Variants in DOK6 observed in about 807,000 individuals in gnomAD.
The protein encoded by DOK6 is downstream of tyrosine kinase 6.
A neutral mutation model predicts 44.0 loss-of-function variants in DOK6; 22 were observed. The observed-to-expected ratio is 0.50, with a 90% confidence interval of 0.36 to 0.71. The LOEUF is 0.71. Among genes scored for constraint, DOK6 ranks in the 30% least tolerant of loss-of-function variants. DOK6 has a pLI of 0.00. For synonymous variants in DOK6, 166 were observed against 145.5 expected (o/e 1.14, Z -1.01); for missense variants, 340 against 416.4 (o/e 0.82, Z 1.60).
rs1047566812 is a variant in DOK6 at position 69,452,423 on chromosome 18, A to G, written c.66+51113A>G. On this transcript the variant is annotated intron_variant, in intron 1 of 7. Transcript: ENST00000382713. ...AGCTGAAATTGTGGCAATAATCAATAGTTTACCAACCAAAGAGTCCAGGAC... is the reference window on the plus strand; with the variant it reads ...AGCTGAAATTGTGGCAATAATCAATGGTTTACCAACCAAAGAGTCCAGGAC... Among the ~76,000 whole-genome samples the G allele has an allele frequency of 4.9e-4, 55 of 111,854 alleles. 1 individual carries two copies. The highest frequency in any genetic ancestry group is 2.9e-4 in the Admixed American group (3 of 10,208). The allele number at this position is 111,854 out of a possible 152,430, so 73.4% of individuals were successfully genotyped here.
chr18:69,662,596 A>G (rs1985558161), intron 3 of DOK6: 1 of 152,224 alleles, frequency 6.6e-6, no homozygotes, highest in African/African-American at 2.4e-5. Context: ...TTGAACAAAT[A>G]AAAATATTTG....
chr18:69,533,942 A>AAAAAG (rs1982051403), intron 1 of DOK6, among the ~76,000 whole-genome samples: 4 of 152,168 alleles, frequency 2.6e-5, no homozygotes, highest in Admixed American at 2.6e-4. Context: ...TCAATAAATA[A>AAAAAG]AGACAGATAA....
chr18:69,591,859 T>G (rs138492909), intron 2 of DOK6, among the ~76,000 whole-genome samples: 1 of 152,062 alleles, frequency 6.6e-6, no homozygotes, highest in African/African-American at 2.4e-5. Context: ...GAGACTAATA[T>G]AGGTTAGTTG....
chr18:69,801,181 C>G (rs1291661564), intron 7 of DOK6, among the ~76,000 whole-genome samples: 1 of 151,906 alleles, frequency 6.6e-6, no homozygotes, highest in African/African-American at 2.4e-5. Flanking sequence ...CAGCCTTTTC[C>G]TCAGCAACAT....
chr18:69,690,821 C>G (rs946682916), intron 4 of DOK6, among the ~76,000 whole-genome samples: 2 of 152,164 alleles, frequency 1.3e-5, no homozygotes, highest in African/African-American at 4.8e-5. Flanking sequence ...TGCCTAAATA[C>G]CATTTAGTAG....
chr18:69,716,692 C>CAAAAAA (rs11351701), intron 5 of DOK6, among the ~76,000 whole-genome samples: 10 of 104,772 alleles, frequency 9.5e-5, no homozygotes, highest in South Asian at 3.3e-4. Context: ...GCAGAATTGA[C>CAAAAAA]AAAAAAAAAA....
chr18:69,561,129 G>T (rs1406181207), intron 1 of DOK6, among the ~76,000 whole-genome samples: 36 of 152,108 alleles, frequency 2.4e-4, no homozygotes, highest in Admixed American at 2.4e-3. Context: ...TGGAGAGTAT[G>T]CTGTGTACTA....
chr18:69,778,842 C>T (rs946823806), intron 7 of DOK6, among the ~76,000 whole-genome samples: 13 of 152,086 alleles, frequency 8.5e-5, no homozygotes, highest in African/African-American at 2.2e-4. Context: ...GAAAATATAG[C>T]ATAGTACTGC....
intron 5 of DOK6, among the ~76,000 whole-genome samples, chr18:69,709,612 TATC>T (rs1293970167): frequency 6.6e-6 from 1 of 152,174 alleles, no homozygotes; most frequent in Non-Finnish European, 1.5e-5. Context: ...TACATACACA[TATC>T]ATATTATATG....
intron 4 of DOK6, among the ~76,000 whole-genome samples, chr18:69,684,570 G>T (rs1324189446): frequency 6.6e-6 from 1 of 152,022 alleles, no homozygotes; most frequent in Non-Finnish European, 1.5e-5. Context: ...TGTGCAACAA[G>T]ATGAAAAGAG....
At chr18:69,583,441 A>G (rs74453612) in intron 2 of DOK6, among the ~76,000 whole-genome samples, 3,988 of 152,312 alleles carry the variant, frequency 0.026, 59 homozygotes, top group South Asian at 0.06. Context: ...TGTTTTAAGC[A>G]CTAGACTCAC....
intron 7 of DOK6, among the ~76,000 whole-genome samples, chr18:69,811,866 C>A (rs936529551): frequency 5.3e-5 from 8 of 151,926 alleles, no homozygotes; most frequent in African/African-American, 1.9e-4. Flanking sequence ...ATCCCACTGC[C>A]ATTTAAGTTA....
At chr18:69,421,976 TTTCCC>T (rs2122408706) in intron 1 of DOK6, among the ~76,000 whole-genome samples, 1 of 152,224 alleles carries the variant, frequency 6.6e-6, no homozygotes, top group Admixed American at 6.5e-5. Context: ...CAACTTCCAG[TTTCCC>T]TTAAGTTTTT....
intron 2 of DOK6, among the ~76,000 whole-genome samples, chr18:69,591,653 G>T (rs550551814): frequency 2.6e-5 from 4 of 152,112 alleles, no homozygotes; most frequent in Admixed American, 6.5e-5. Flanking sequence ...GGGAAGGTTT[G>T]CATAACTGAG....
chr18:69,514,441 A>G (rs1280648421), intron 1 of DOK6, among the ~76,000 whole-genome samples: 1 of 152,180 alleles, frequency 6.6e-6, no homozygotes, highest in African/African-American at 2.4e-5. Flanking sequence ...GAAAATTTTA[A>G]TAGGATATTG....
At chr18:69,575,025 C>G (rs976876501) in intron 2 of DOK6, among the ~76,000 whole-genome samples, 4 of 152,070 alleles carry the variant, frequency 2.6e-5, no homozygotes, top group African/African-American at 7.2e-5. Context: ...GTACACCCTT[C>G]AGGCCATGGT....
intron 7 of DOK6, among the ~76,000 whole-genome samples, chr18:69,773,363 G>A (rs1032856384): frequency 2.6e-5 from 4 of 151,888 alleles, no homozygotes; most frequent in Non-Finnish European, 5.9e-5. Flanking sequence ...AAATATGAAA[G>A]TAGGATCTCG....
chr18:69,534,032 C>T (rs561823080), intron 1 of DOK6, among the ~76,000 whole-genome samples: 4,570 of 152,242 alleles, frequency 0.03, 83 homozygotes, highest in Middle Eastern at 0.048. Flanking sequence ...AATTTTGTCT[C>T]AGGCACTGGC....
chr18:69,741,593 G>C (rs566546918), intron 6 of DOK6, among the ~76,000 whole-genome samples: 14 of 152,156 alleles, frequency 9.2e-5, no homozygotes, highest in African/African-American at 3.1e-4. Context: ...AACCTCCTGG[G>C]CTCAAGCAGT....
Sources: gnomAD v4.1 joint callset for allele counts (sites outside exome capture counted in the v4.1 genomes callset) on GRCh38, gnomAD v4.1.1 for gene constraint, MANE v1.5 for transcripts, NCBI Gene and HGNC (gene_info 2026-07-23, HGNC 2026-07-21) for gene names.